The following RUNX1 variants were observed in gnomAD, a reference collection of about 807,000 sequenced individuals.
RUNX1 encodes the protein runt-related transcription factor 1.
A neutral mutation model predicts 42.8 loss-of-function variants in RUNX1; 19 were observed. That is an observed-to-expected ratio of 0.44 (90% CI 0.31 to 0.65). The LOEUF is 0.65. RUNX1 is among the 30% of genes least tolerant of loss of function. The pLI is 0.07. For missense variants in RUNX1, 528 were observed against 672.0 expected, an observed-to-expected ratio of 0.79 and a Z score of 2.37; for synonymous variants, 271 against 289.4, an observed-to-expected ratio of 0.94 and a Z score of 0.64.
chr21:34,796,941 G>A (rs903564902), intron 8 of RUNX1, among the ~76,000 whole-genome samples: 1 of 152,242 alleles, frequency 6.6e-6, no homozygotes, highest in Admixed American at 6.5e-5. Context: ...TGGGGCTGGG[G>A]CCGGGAAGAG....
intron 5 of RUNX1, among the ~76,000 whole-genome samples, chr21:34,860,359 C>T (rs1421722663): frequency 1.3e-5 from 2 of 152,190 alleles, no homozygotes; most frequent in Admixed American, 1.3e-4. Context: ...GGCTAGCTGA[C>T]CTTTGGCAAG....
Position 34,834,142 on chromosome 21 carries a change from C to A in RUNX1, c.805+268G>T, listed in dbSNP as rs1025609637. 5 of 679,638 alleles carry A rather than the reference C, an allele frequency of 7.4e-6. No homozygotes were observed. The East Asian group carries it at 1.4e-4, about 19-fold the overall frequency. The allele number at this position is 679,638 out of a possible 1,614,324, so 42.1% of individuals were successfully genotyped here. ...TATCTATCCAATATGGATATCCATA[C>A]CCAGAGCTCCTCGTATCCTCTGTAG... is the stretch of plus-strand genomic sequence containing the variant. On this transcript the variant is annotated intron_variant, in intron 7 of 8. Coordinates refer to ENST00000675419, the MANE Select transcript of RUNX1 (RefSeq NM_001754.5).
intron 7 of RUNX1, among the ~76,000 whole-genome samples, chr21:34,831,639 T>C (rs747582709): frequency 1.1e-4 from 17 of 152,156 alleles, no homozygotes; most frequent in Non-Finnish European, 1.8e-4. Context: ...CTCTGACAAA[T>C]TGGATATTTT....
chr21:34,846,937 C>T (rs566218454), intron 6 of RUNX1, among the ~76,000 whole-genome samples: 131 of 152,308 alleles, frequency 8.6e-4, no homozygotes, highest in African/African-American at 3.0e-3. Flanking sequence ...GTTTTTGACT[C>T]GTCCTGGGAA....
At chr21:34,832,705 C>A (rs539732079) in intron 7 of RUNX1, among the ~76,000 whole-genome samples, 6 of 152,316 alleles carry the variant, frequency 3.9e-5, no homozygotes, top group South Asian at 2.1e-4. Flanking sequence ...ATCTCGCTCA[C>A]TGAACATACC....
chr21:34,989,069 C>T (rs986994707), intron 2 of RUNX1, among the ~76,000 whole-genome samples: 1 of 151,494 alleles, frequency 6.6e-6, no homozygotes, highest in Non-Finnish European at 1.5e-5. Flanking sequence ...AGTGCAATGG[C>T]ATGATCTCAG....
chr21:34,978,805 T>C (rs1039187438), intron 2 of RUNX1, among the ~76,000 whole-genome samples: 8 of 152,152 alleles, frequency 5.3e-5, no homozygotes, highest in African/African-American at 1.9e-4. Flanking sequence ...TTTAAACCTC[T>C]GTCTGCTGGA....
intron 6 of RUNX1, among the ~76,000 whole-genome samples, chr21:34,839,330 A>G (rs1181397077): frequency 3.3e-5 from 5 of 150,706 alleles, no homozygotes; most frequent in African/African-American, 1.2e-4. Context: ...CACTCAGTGC[A>G]CCTAGAAATT....
intron 7 of RUNX1, among the ~76,000 whole-genome samples, chr21:34,818,374 G>A (rs1333993679): frequency 1.3e-5 from 2 of 152,240 alleles, no homozygotes; most frequent in Non-Finnish European, 2.9e-5. Flanking sequence ...GCGGGGGAAG[G>A]GAGGAGGGAG....
At chr21:34,929,628 A>G (rs116198563) in intron 2 of RUNX1, among the ~76,000 whole-genome samples, 1,607 of 152,330 alleles carry the variant, frequency 0.011, 24 homozygotes, top group African/African-American at 0.037. Context: ...ATAAAATACC[A>G]GTGAGGAAAA....
chr21:35,017,194 G>A (rs1015204086), intron 2 of RUNX1, among the ~76,000 whole-genome samples: 2 of 152,118 alleles, frequency 1.3e-5, no homozygotes, highest in Non-Finnish European at 2.9e-5. Flanking sequence ...GCCTTTGATA[G>A]GGGTAAAGCC....
At chr21:34,795,876 C>T (rs575213890) in intron 8 of RUNX1, among the ~76,000 whole-genome samples, 1 of 152,214 alleles carries the variant, frequency 6.6e-6, no homozygotes, top group African/African-American at 2.4e-5. Flanking sequence ...TAGGCAAATA[C>T]AGTCAGTTTG....
intron 4 of RUNX1, 119 bp downstream of exon 4, chr21:34,886,724 G>T: frequency 6.6e-7 from 1 of 1,503,826 alleles, no homozygotes; most frequent in South Asian, 1.2e-5. Flanking sequence ...AGACCGACCC[G>T]GGGCTGCGGG....
chr21:34,827,693 C>T (rs991121640), intron 7 of RUNX1, among the ~76,000 whole-genome samples: 3 of 152,182 alleles, frequency 2.0e-5, no homozygotes, highest in Non-Finnish European at 2.9e-5. Context: ...GTGCAGCACA[C>T]CTTGGCCACC....
chr21:34,982,131 T>C (rs1309246196), intron 2 of RUNX1, among the ~76,000 whole-genome samples: 1 of 152,214 alleles, frequency 6.6e-6, no homozygotes, highest in East Asian at 1.9e-4. Flanking sequence ...ATTTCCTGCC[T>C]TTCCTTTATC....
At chr21:34,912,585 A>T (rs997853965) in intron 2 of RUNX1, among the ~76,000 whole-genome samples, 4 of 152,176 alleles carry the variant, frequency 2.6e-5, no homozygotes, top group Admixed American at 6.5e-5. Context: ...GAAACACAGC[A>T]AGGAAGACTC....
At chr21:34,889,917 C>T (rs1349843782) in intron 3 of RUNX1, 39 of 968,352 alleles carry the variant, frequency 4.0e-5, no homozygotes, top group East Asian at 5.1e-5. Flanking sequence ...CAACCCAGTC[C>T]CCGGATCCCG....
At chr21:34,906,172 A>G (rs1431576033) in intron 2 of RUNX1, among the ~76,000 whole-genome samples, 1 of 152,214 alleles carries the variant, frequency 6.6e-6, no homozygotes, top group East Asian at 1.9e-4. Flanking sequence ...TTGGTCAAGA[A>G]AACAGTTTAT....
intron 2 of RUNX1, among the ~76,000 whole-genome samples, chr21:35,019,769 C>G (rs1291496711): frequency 6.6e-6 from 1 of 152,122 alleles, no homozygotes; most frequent in Non-Finnish European, 1.5e-5. Flanking sequence ...CCTGCCGAAG[C>G]CAAGTCCATC....
Sources: gnomAD v4.1 joint callset for allele counts (sites outside exome capture counted in the v4.1 genomes callset) on GRCh38, gnomAD v4.1.1 for gene constraint, MANE v1.5 for transcripts, NCBI Gene and HGNC (gene_info 2026-07-23, HGNC 2026-07-21) for gene names.